SMARCC1: variants seen among roughly 807,000 people sequenced by gnomAD.
The protein encoded by SMARCC1 is SWI/SNF complex subunit SMARCC1.
SMARCC1 carries 43 observed loss-of-function variants against 147.4 expected under a neutral mutation model. The observed-to-expected ratio is 0.29, with a 90% CI of 0.23 to 0.38. The LOEUF (loss-of-function observed/expected upper bound fraction) is 0.38, where lower values mean the gene tolerates loss of function less well. Among genes scored for constraint, SMARCC1 ranks in the 10% least tolerant of loss-of-function variants. The pLI is 1.00. For synonymous variants in SMARCC1, 495 were observed against 484.4 expected, an observed-to-expected ratio of 1.02 and a Z score of -0.29; for missense variants, 1,119 against 1,381.1, an observed-to-expected ratio of 0.81 and a Z score of 3.01.
At chr3:47,679,206 T>C (rs1242289131) in intron 15 of SMARCC1, among the ~76,000 whole-genome samples, 1 of 149,340 alleles carries the variant, frequency 6.7e-6, no homozygotes, top group Non-Finnish European at 1.5e-5. Context: ...CGGAATGACT[T>C]TGTCTCAAAA....
intron 18 of SMARCC1, among the ~76,000 whole-genome samples, chr3:47,672,291 C>T (rs946904555): frequency 6.6e-6 from 1 of 151,880 alleles, no homozygotes; most frequent in Non-Finnish European, 1.5e-5. Context: ...CTTGGCTCAC[C>T]GCAAGCTCCG....
chr3:47,640,563 T>C (rs1303274076), intron 21 of SMARCC1, among the ~76,000 whole-genome samples: 3 of 152,290 alleles, frequency 2.0e-5, no homozygotes, highest in Middle Eastern at 3.4e-3. Context: ...CTGAATTGTC[T>C]TTACATTAGT....
chr3:47,729,132 A>G, intron 5 of SMARCC1, 38 bp from the exon 6 acceptor site: 1 of 1,352,820 alleles, frequency 7.4e-7, no homozygotes, highest in Non-Finnish European at 1.1e-6. Context: ...AAAATAAAGC[A>G]CATGGCAATG....
At chr3:47,766,470 G>A (rs538484934) in intron 2 of SMARCC1, among the ~76,000 whole-genome samples, 5 of 152,110 alleles carry the variant, frequency 3.3e-5, no homozygotes, top group Admixed American at 6.6e-5. Context: ...AGGAGGGTGA[G>A]GTGGGAGGAT....
At chr3:47,693,808 G>A (rs867056387) in intron 11 of SMARCC1, among the ~76,000 whole-genome samples, 8 of 152,082 alleles carry the variant, frequency 5.3e-5, no homozygotes, top group Admixed American at 2.6e-4. Flanking sequence ...GACTATGGGC[G>A]CATGCCACCA....
chr3:47,693,041 G>A (rs952083231), intron 12 of SMARCC1, among the ~76,000 whole-genome samples, 200 bp downstream of exon 12: 2 of 152,058 alleles, frequency 1.3e-5, no homozygotes, highest in South Asian at 4.1e-4. Flanking sequence ...ATGGTGGTGT[G>A]TGCCTATAAT....
At chr3:47,643,608 G>A (rs2033080952) in intron 21 of SMARCC1, among the ~76,000 whole-genome samples, 1 of 152,024 alleles carries the variant, frequency 6.6e-6, no homozygotes, top group African/African-American at 2.4e-5. Flanking sequence ...AATATACCAT[G>A]TTTTATAAAC....
chr3:47,696,424 T>C (rs1442542224), intron 11 of SMARCC1, among the ~76,000 whole-genome samples: 1 of 151,596 alleles, frequency 6.6e-6, no homozygotes, highest in African/African-American at 2.4e-5. Flanking sequence ...TATACAACAC[T>C]AGACTCAAAA....
At chr3:47,672,229 T>C (rs1365411856) in intron 18 of SMARCC1, among the ~76,000 whole-genome samples, 1 of 152,108 alleles carries the variant, frequency 6.6e-6, no homozygotes, top group Non-Finnish European at 1.5e-5. Flanking sequence ...TCTTTTCTTT[T>C]TTTGAGATGG....
intron 21 of SMARCC1, among the ~76,000 whole-genome samples, chr3:47,656,914 C>T (rs184526589): frequency 2.0e-5 from 3 of 152,134 alleles, no homozygotes; most frequent in Non-Finnish European, 4.4e-5. Context: ...AGTCAGACTC[C>T]ATCTCAACAA....
chr3:47,756,694 G>T (rs1340401409), intron 2 of SMARCC1, among the ~76,000 whole-genome samples: 1 of 152,234 alleles, frequency 6.6e-6, no homozygotes, highest in South Asian at 2.1e-4. Context: ...TTTTACTGAA[G>T]CAAATTCACA....
At chr3:47,778,756 G>A (rs2035008483) in intron 1 of SMARCC1, among the ~76,000 whole-genome samples, 1 of 152,186 alleles carries the variant, frequency 6.6e-6, no homozygotes, top group African/African-American at 2.4e-5. Flanking sequence ...ACTTTGGGAG[G>A]CTGAGGCAGG....
intron 14 of SMARCC1, among the ~76,000 whole-genome samples, chr3:47,683,526 T>C (rs1234414189): frequency 1.3e-5 from 2 of 152,090 alleles, no homozygotes; most frequent in Non-Finnish European, 2.9e-5. Context: ...AATAACACGG[T>C]AATCATTGAG....
intron 3 of SMARCC1, among the ~76,000 whole-genome samples, chr3:47,739,806 A>G (rs1402344732): frequency 6.6e-6 from 1 of 152,078 alleles, no homozygotes; most frequent in East Asian, 1.9e-4. Context: ...CTACCACTCA[A>G]TGGGCCTGAC....
chr3:47,743,038 G>T (rs1316861068), intron 3 of SMARCC1, among the ~76,000 whole-genome samples: 1 of 152,154 alleles, frequency 6.6e-6, no homozygotes, highest in Non-Finnish European at 1.5e-5. Context: ...GAACCACAAT[G>T]AAATAAGAAG....
rs1246244756 is a variant in SMARCC1 at position 47,694,198 on chromosome 3, CT to C, written c.1166-899del. ...AACCATGTTTATTTTGAATATTTCA[CT>C]GTTCAAAAACATTCTTTTGTAATTA... is the stretch of plus-strand genomic sequence containing the variant. On this transcript the variant is annotated intron_variant, in intron 11 of 27. Coordinates refer to ENST00000254480, the MANE Select transcript of SMARCC1 (RefSeq NM_003074.4). Among the ~76,000 whole-genome samples, 17 of 152,282 alleles carry C rather than the reference CT, an allele frequency of 1.1e-4. 1 individual carries two copies. The South Asian group carries it at 3.5e-3, about 32-fold the overall frequency.
chr3:47,718,360 G>A (rs573664147), intron 7 of SMARCC1, among the ~76,000 whole-genome samples: 3 of 152,100 alleles, frequency 2.0e-5, no homozygotes, highest in Middle Eastern at 3.4e-3. Flanking sequence ...CATGAGAATC[G>A]CTAGAACCAG....
At chr3:47,678,608 C>T (rs762090401) in intron 15 of SMARCC1, among the ~76,000 whole-genome samples, 5 of 152,174 alleles carry the variant, frequency 3.3e-5, no homozygotes, top group Non-Finnish European at 5.9e-5. Flanking sequence ...GAAACTAACA[C>T]GTGGTTACAT....
At chr3:47,721,955 C>G (rs1021038172) in intron 6 of SMARCC1, among the ~76,000 whole-genome samples, 1 of 152,226 alleles carries the variant, frequency 6.6e-6, no homozygotes, top group South Asian at 2.1e-4. Flanking sequence ...TAGTTTGAGG[C>G]TGCAATGGGC....
Sources: gnomAD v4.1 joint callset for allele counts (sites outside exome capture counted in the v4.1 genomes callset) on GRCh38, gnomAD v4.1.1 for gene constraint, MANE v1.5 for transcripts, NCBI Gene and HGNC (gene_info 2026-07-23, HGNC 2026-07-21) for gene names.